PTPRD: variants seen among roughly 807,000 people sequenced by gnomAD.
PTPRD encodes the protein receptor-type tyrosine-protein phosphatase delta.
A neutral mutation model predicts 214.5 loss-of-function variants in PTPRD; 34 were observed. The ratio of observed to expected loss-of-function variants is 0.16; its 90% confidence interval spans 0.12 to 0.21. The LOEUF is 0.21. PTPRD is among the 10% of genes least tolerant of loss of function. PTPRD has a pLI of 1.00. For synonymous variants in PTPRD, 1,128 were observed against 845.7 expected (o/e 1.33, Z -5.79); for missense variants, 2,545 against 2,398.7 (o/e 1.06, Z -1.27).
chr9:10,393,844 C>T (rs1201507743), intron 2 of PTPRD, among the ~76,000 whole-genome samples: 2 of 148,224 alleles, frequency 1.3e-5, no homozygotes, highest in African/African-American at 4.9e-5. Context: ...GAAGTAATGC[C>T]ACCTAACCAT....
chr9:10,175,379 C>T (rs1038025406), intron 3 of PTPRD, among the ~76,000 whole-genome samples: 2 of 151,986 alleles, frequency 1.3e-5, no homozygotes, highest in African/African-American at 2.4e-5. Context: ...ATTTGAGTCT[C>T]ATCCTATCAA....
At chr9:8,359,450 GA>G (rs140816397) in intron 39 of PTPRD, among the ~76,000 whole-genome samples, 2,636 of 151,946 alleles carry the variant, frequency 0.017, 89 homozygotes, top group African/African-American at 0.059. Context: ...TCAGGCTCCC[GA>G]GTAGCTGGAA....
At position 8,677,862 on chromosome 9, in the gene PTPRD, T is replaced by G. The variant is rs139133803; in HGVS notation, c.65-41018A>C. ...GAAGCGAGCAACACATTTATTTAGT[T>G]CTAAGATTGATGAATCAGAGGAAGG... is the stretch of plus-strand genomic sequence containing the variant. On this transcript the variant is annotated intron_variant, in intron 12 of 45. Coordinates refer to ENST00000381196, the MANE Select transcript of PTPRD (RefSeq NM_002839.4). Among the ~76,000 whole-genome samples, 356 of 152,238 alleles carry G rather than the reference T, an allele frequency of 2.3e-3. 1 individual carries two copies. The highest frequency in any genetic ancestry group is 8.3e-3 in the African/African-American group (345 of 41,542).
intron 11 of PTPRD, among the ~76,000 whole-genome samples, chr9:8,769,956 T>C (rs567270018): frequency 6.6e-6 from 1 of 152,076 alleles, no homozygotes. Flanking sequence ...AATATTACAG[T>C]GCTAAGACAG....
At chr9:9,948,035 A>T (rs2093013535) in intron 4 of PTPRD, among the ~76,000 whole-genome samples, 1 of 151,960 alleles carries the variant, frequency 6.6e-6, no homozygotes, top group Admixed American at 6.6e-5. Context: ...GAGATAGATG[A>T]AGAAAGGTAA....
At chr9:9,235,533 T>C (rs191240494) in intron 9 of PTPRD, among the ~76,000 whole-genome samples, 136 of 152,264 alleles carry the variant, frequency 8.9e-4, no homozygotes, top group African/African-American at 3.2e-3. Context: ...TCTTGTCTTT[T>C]GTTATAGGGG....
At chr9:9,809,401 G>A (rs2046440718) in intron 5 of PTPRD, among the ~76,000 whole-genome samples, 1 of 151,250 alleles carries the variant, frequency 6.6e-6, no homozygotes, top group Admixed American at 6.6e-5. Context: ...CCAAGTAGCT[G>A]GGACTACAGG....
chr9:8,493,177 T>A (rs1261028846), intron 26 of PTPRD, among the ~76,000 whole-genome samples, 198 bp from the exon 27 acceptor site: 1 of 152,198 alleles, frequency 6.6e-6, no homozygotes, highest in East Asian at 1.9e-4. Flanking sequence ...TTCAGGCATC[T>A]TGGGAGGTAG....
chr9:9,770,421 A>G (rs2154481320), intron 5 of PTPRD, among the ~76,000 whole-genome samples: 1 of 152,266 alleles, frequency 6.6e-6, no homozygotes, highest in East Asian at 1.9e-4. Flanking sequence ...CAAAATAACA[A>G]CTGAACTTCC....
intron 8 of PTPRD, among the ~76,000 whole-genome samples, chr9:9,499,920 G>C (rs144928454): frequency 6.6e-6 from 1 of 152,096 alleles, no homozygotes; most frequent in East Asian, 1.9e-4. Context: ...AATGAAAACT[G>C]ATCCATACCA....
intron 5 of PTPRD, among the ~76,000 whole-genome samples, chr9:9,817,874 C>A (rs1385533196): frequency 6.6e-6 from 1 of 152,134 alleles, no homozygotes; most frequent in African/African-American, 2.4e-5. Flanking sequence ...GCTGTGCCTG[C>A]CATTGTGGAG....
intron 2 of PTPRD, among the ~76,000 whole-genome samples, chr9:10,354,155 C>A (rs2097229200): frequency 6.6e-6 from 1 of 152,058 alleles, no homozygotes; most frequent in Non-Finnish European, 1.5e-5. Context: ...CCTACATATA[C>A]AAATATCCCT....
chr9:8,815,972 T>C (rs1015687664), intron 11 of PTPRD, among the ~76,000 whole-genome samples: 7 of 152,204 alleles, frequency 4.6e-5, no homozygotes, highest in Admixed American at 3.3e-4. Context: ...TTGTACACAA[T>C]TGCTGTGCTA....
intron 5 of PTPRD, among the ~76,000 whole-genome samples, chr9:9,913,533 G>C (rs2079821380): frequency 6.6e-6 from 1 of 152,154 alleles, no homozygotes; most frequent in African/African-American, 2.4e-5. Context: ...AGGGAAAGGG[G>C]AGTGGAGATG....
chr9:9,890,513 TA>T (rs1283276674), intron 5 of PTPRD, among the ~76,000 whole-genome samples: 3 of 152,114 alleles, frequency 2.0e-5, no homozygotes, highest in African/African-American at 7.2e-5. Flanking sequence ...TTCTTCATAT[TA>T]AACTTTTACT....
chr9:8,718,558 G>A (rs2098460539), intron 12 of PTPRD, among the ~76,000 whole-genome samples: 1 of 152,128 alleles, frequency 6.6e-6, no homozygotes, highest in Admixed American at 6.5e-5. Context: ...TCTTTCCCCT[G>A]AGAGTTTACA....
intron 2 of PTPRD, among the ~76,000 whole-genome samples, chr9:10,393,097 T>C (rs1286723536): frequency 6.6e-6 from 1 of 151,848 alleles, no homozygotes; most frequent in Non-Finnish European, 1.5e-5. Flanking sequence ...ACAACAGTGT[T>C]TGTAGTTTGT....
At chr9:9,810,435 G>C (rs1036131510) in intron 5 of PTPRD, among the ~76,000 whole-genome samples, 9 of 151,998 alleles carry the variant, frequency 5.9e-5, no homozygotes, top group African/African-American at 2.2e-4. Flanking sequence ...GGTGACCATA[G>C]GTTGAATCCA....
intron 8 of PTPRD, among the ~76,000 whole-genome samples, chr9:9,463,823 A>G (rs898230510): frequency 1.3e-5 from 2 of 152,066 alleles, no homozygotes; most frequent in Non-Finnish European, 2.9e-5. Context: ...AAAACTTGAG[A>G]AACTTGGATT....
Sources: allele counts gnomAD v4.1 joint callset (sites outside exome capture counted in the v4.1 genomes callset), GRCh38; gene constraint gnomAD v4.1.1; transcripts MANE v1.5; gene names NCBI Gene and HGNC (gene_info 2026-07-23, HGNC 2026-07-21).